SHROOM2: variants seen among roughly 807,000 people sequenced by gnomAD.
The protein encoded by SHROOM2 is protein Shroom2.
Under a neutral mutation model 75.9 loss-of-function variants are expected in SHROOM2, and 33 were observed. That is an observed-to-expected ratio of 0.43 (90% confidence interval 0.33 to 0.58). SHROOM2 has a LOEUF of 0.58. SHROOM2 is among the 20% of genes least tolerant of loss of function. The probability of loss-of-function intolerance (pLI) is 0.04; values close to 1 mark genes in which losing one functional copy is unlikely to be tolerated. For missense variants in SHROOM2, 1,434 were observed against 1,461.2 expected, an observed-to-expected ratio of 0.98 and a Z score of 0.30; for synonymous variants, 655 against 663.6, an observed-to-expected ratio of 0.99 and a Z score of 0.20.
chrX:9,792,738 T>TA (rs2083673981), intron 1 of SHROOM2, among the ~76,000 whole-genome samples: 2 of 109,442 alleles, frequency 1.8e-5, no homozygotes. Flanking sequence ...TTTTTTTTTT[T>TA]AAGACAGATT....
intron 5 of SHROOM2, chrX:9,913,220 A>C: frequency 8.9e-6 from 1 of 112,617 alleles, no homozygotes; most frequent in Non-Finnish European, 1.9e-5. Context: ...GGACATTGAG[A>C]AAAAATGGTG....
chrX:9,937,408 G>A lies in SHROOM2; in HGVS notation c.3862G>A (p.Val1288Met), dbSNP rs759298794. ...PAEPQPLGTQ[V>M]PPEKDRCTSP... is the part of the protein sequence containing the mutation. ...TGAGCCCCAGCCCCTGGGCACCCAGGTGCCCCCCGAGAAAGACCGCTGCAC... is the reference window on the plus strand; with the variant it reads ...TGAGCCCCAGCCCCTGGGCACCCAGATGCCCCCCGAGAAAGACCGCTGCAC... The change falls in exon 7 of 10, where the codon GTG becomes ATG. Residue 1288 changes from valine to methionine, a missense_variant. By Grantham distance (21) the Val-to-Met change is conservative (BLOSUM62 1). This residue lies in a region of SHROOM2 where 1,340 missense variants were observed against 1,338.3 expected (regional missense o/e 1.00). Coordinates refer to ENST00000380913, the MANE Select transcript of SHROOM2 (RefSeq NM_001649.4). The A allele has an allele frequency of 8.3e-7, 1 of 1,207,130 alleles. No individual in the cohort carries two copies. The highest frequency in any genetic ancestry group is 1.8e-5 in the South Asian group (1 of 56,251).
chrX:9,880,591 C>A (rs1158222053), intron 2 of SHROOM2, among the ~76,000 whole-genome samples: 1 of 112,658 alleles, frequency 8.9e-6, no homozygotes, highest in African/African-American at 3.2e-5. Context: ...ACTGTCACCT[C>A]AAGCCCGGTT....
At chrX:9,809,872 C>T (rs899186486) in intron 1 of SHROOM2, among the ~76,000 whole-genome samples, 2 of 111,739 alleles carry the variant, frequency 1.8e-5, no homozygotes, top group African/African-American at 6.5e-5. Context: ...GACGGGGTTT[C>T]ACCATGTTTT....
In SHROOM2 at chrX:9,819,789, CT is replaced by C. The variant is rs1276529105; in HGVS notation, c.165+33098del. ...CGTCGAGTCCACCCTGCCAGTTTAT[CT>C]TTTTTTTTTTTTTTTTTTCTTGAGA... On this transcript the variant is annotated intron_variant, in intron 1 of 9. Transcript: ENST00000380913. Among the ~76,000 whole-genome samples the C allele has an allele frequency of 6.2e-3, 579 of 93,012 alleles. 6 individuals are homozygous for C. The highest frequency in any genetic ancestry group is 0.019 in the African/African-American group (470 of 25,290). The allele number at this position is 93,012 out of a possible 115,157, so 80.8% of individuals were successfully genotyped here. A position where few individuals can be genotyped will look rare whatever the true frequency, so the allele number is the denominator to read the frequency against.
At chrX:9,915,315 G>A (rs1468229171) in intron 5 of SHROOM2, among the ~76,000 whole-genome samples, 2 of 110,457 alleles carry the variant, frequency 1.8e-5, no homozygotes, top group African/African-American at 6.6e-5. Flanking sequence ...TTGCTCATTT[G>A]CCGTCATTAT....
intron 1 of SHROOM2, among the ~76,000 whole-genome samples, chrX:9,808,380 C>CA (rs766274874): frequency 0.43 from 31,011 of 72,322 alleles, 5,775 homozygotes; most frequent in Non-Finnish European, 0.53. Flanking sequence ...TCTGTCTCTA[C>CA]AAAAAAAAAA....
intron 1 of SHROOM2, among the ~76,000 whole-genome samples, chrX:9,803,755 G>C (rs1476608936): frequency 9.0e-6 from 1 of 111,526 alleles, no homozygotes; most frequent in African/African-American, 3.3e-5. Flanking sequence ...CGCCATCACA[G>C]ACCACCTCCG....
intron 5 of SHROOM2, among the ~76,000 whole-genome samples, chrX:9,902,761 C>T (rs1332893491): frequency 9.0e-6 from 1 of 111,580 alleles, no homozygotes; most frequent in Non-Finnish European, 1.9e-5. Context: ...CTGGGTGGCT[C>T]CAGAGACTGG....
In SHROOM2 at chrX:9,868,623, G is replaced by A. The variant is rs770321659; in HGVS notation, c.166-5029G>A. ...GGTTGGCATGATAACGGCTCACTGCGGCCTCAACCCTCTGGGCTCAAGTGA... is the reference window on the plus strand; with the variant it reads ...GGTTGGCATGATAACGGCTCACTGCAGCCTCAACCCTCTGGGCTCAAGTGA... On this transcript the variant is annotated intron_variant, in intron 1 of 9. Coordinates refer to ENST00000380913, the MANE Select transcript of SHROOM2 (RefSeq NM_001649.4). Among the ~76,000 whole-genome samples the A allele has an allele frequency of 1.6e-3, 174 of 109,049 alleles. 1 individual carries two copies. The highest frequency in any genetic ancestry group is 5.2e-3 in the African/African-American group (156 of 29,929). The allele number at this position is 109,049 out of a possible 115,157, so 94.7% of individuals were successfully genotyped here.
chrX:9,919,357 A>G (rs1381148630), intron 5 of SHROOM2, among the ~76,000 whole-genome samples: 9 of 66,070 alleles, frequency 1.4e-4, no homozygotes, highest in Non-Finnish European at 2.2e-4. Flanking sequence ...TTTTGAGATG[A>G]AGTCTTGCTC....
rs1483821369 is a variant in SHROOM2 at position 9,948,804 on chromosome X, A to G, written c.*1867A>G. Reference sequence around the variant, plus strand: ...AGCTTCCTCCTCCTCTCCAGCTGGTAGTCACTTGCGTGAATGCTGGTCAGT... The same window carrying G: ...AGCTTCCTCCTCCTCTCCAGCTGGTGGTCACTTGCGTGAATGCTGGTCAGT... On this transcript the variant is annotated 3_prime_UTR_variant, in exon 10 of 10. Transcript: ENST00000380913. 1 of 112,955 alleles carries G rather than the reference A, an allele frequency of 8.9e-6. No homozygotes were observed. The highest frequency in any genetic ancestry group is 1.9e-5 in the Non-Finnish European group (1 of 53,503). 9.3% of individuals were successfully genotyped at this position (112,955 alleles called of 1,213,427 possible). A position where few individuals can be genotyped will look rare whatever the true frequency, so the allele number is the denominator to read the frequency against.
chrX:9,939,403 TC>T, intron 8 of SHROOM2, 37 bp downstream of exon 8: 1 of 1,130,220 alleles, frequency 8.8e-7, no homozygotes, highest in Non-Finnish European at 1.2e-6. Context: ...CGTGTGCGTG[TC>T]CAGGCAGGGG....
intron 5 of SHROOM2, among the ~76,000 whole-genome samples, chrX:9,900,553 C>T (rs2084360296): frequency 8.9e-6 from 1 of 112,000 alleles, no homozygotes; most frequent in African/African-American, 3.2e-5. Context: ...ATGTTGAGAT[C>T]GGAATTGTTT....
chrX:9,797,854 G>A (rs967909839), intron 1 of SHROOM2, among the ~76,000 whole-genome samples: 3 of 112,044 alleles, frequency 2.7e-5, no homozygotes. Context: ...TTCAGGGATT[G>A]GACCTTCCTC....
chrX:9,819,362 G>T, intron 1 of SHROOM2: 1 of 478,618 alleles, frequency 2.1e-6, no homozygotes, highest in South Asian at 3.1e-5. Context: ...CAGTCATGTT[G>T]ACTATAACTG....
intron 1 of SHROOM2, among the ~76,000 whole-genome samples, chrX:9,792,103 ATAG>A (rs2083662151): frequency 2.3e-4 from 4 of 17,509 alleles, no homozygotes; most frequent in African/African-American, 6.1e-4. Context: ...ATAGAATAGA[ATAG>A]AATAGAATAG....
At chrX:9,900,907 C>T (rs1173977285) in intron 5 of SHROOM2, among the ~76,000 whole-genome samples, 2 of 110,259 alleles carry the variant, frequency 1.8e-5, no homozygotes, top group East Asian at 5.7e-4. Flanking sequence ...GGCATCATAG[C>T]CAGCTGGAGC....
At chrX:9,874,751 A>C (rs1458541251) in intron 2 of SHROOM2, 1 of 109,601 alleles carries the variant, frequency 9.1e-6, no homozygotes, top group Non-Finnish European at 1.9e-5. Context: ...TGGAGATGCC[A>C]AAACAGTATC....
Sources: gnomAD v4.1 joint callset for allele counts (sites outside exome capture counted in the v4.1 genomes callset) on GRCh38, gnomAD v4.1.1 for gene constraint, gnomAD v4.1.1 regional missense constraint, MANE v1.5 for transcripts, NCBI Gene and HGNC (gene_info 2026-07-23, HGNC 2026-07-21) for gene names.